The following DNAH11 variants were observed in gnomAD, a reference collection of about 807,000 sequenced individuals.
DNAH11 encodes the protein dynein axonemal heavy chain 11, also known as axonemal beta dynein heavy chain 11.
A neutral mutation model predicts 526.0 loss-of-function variants in DNAH11; 442 were observed. The ratio of observed to expected loss-of-function variants is 0.84; its 90% confidence interval spans 0.78 to 0.91. DNAH11 has a LOEUF of 0.91. Among genes scored for constraint, DNAH11 ranks in the 40% least tolerant of loss-of-function variants. The pLI is 0.00. For missense variants in DNAH11, 6,989 were observed against 5,448.7 expected, an observed-to-expected ratio of 1.28 and a Z score of -8.90; for synonymous variants, 2,461 against 1,935.9, an observed-to-expected ratio of 1.27 and a Z score of -7.12.
chr7:21,591,900 C>T (rs1004136472), intron 14 of DNAH11, among the ~76,000 whole-genome samples: 6 of 152,144 alleles, frequency 3.9e-5, no homozygotes, highest in South Asian at 2.1e-4. Flanking sequence ...TTGACTGCCT[C>T]GTATGTGCCA....
Position 21,571,959 on chromosome 7 carries a change from G to C in DNAH11, c.1579G>C (p.Asp527His), listed in dbSNP as rs1783909176. The C allele has an allele frequency of 6.4e-7, 1 of 1,570,766 alleles. No individual in the cohort carries two copies. The highest frequency in any genetic ancestry group is 8.6e-7 in the Non-Finnish European group (1 of 1,162,370). The change falls in exon 8 of 82, where the codon GAT (aspartate) becomes CAT (histidine). Residue 527 changes from aspartate (D) to histidine (H), a missense_variant. Coordinates refer to ENST00000409508, the MANE Select transcript of DNAH11 (RefSeq NM_001277115.2). ...LFKQSTYDPS[D>H]CTNMEFESDY... ...TAAACAGAGCACTTATGACCCATCT[G>C]ATTGCACTAACATGGTAATGTTGTA...
intron 36 of DNAH11, among the ~76,000 whole-genome samples, chr7:21,699,228 T>C (rs1783966447): frequency 6.6e-6 from 1 of 152,172 alleles, no homozygotes; most frequent in Non-Finnish European, 1.5e-5. Context: ...TAGGGTTGAC[T>C]GGTTTTTTGT....
At chr7:21,643,721 C>A (rs1395555627) in intron 28 of DNAH11, among the ~76,000 whole-genome samples, 1 of 152,158 alleles carries the variant, frequency 6.6e-6, no homozygotes, top group Non-Finnish European at 1.5e-5. Flanking sequence ...AACGCAAATA[C>A]AGATGTAGCA....
chr7:21,663,224 G>A (rs542268331), intron 30 of DNAH11, among the ~76,000 whole-genome samples: 37 of 152,054 alleles, frequency 2.4e-4, no homozygotes, highest in African/African-American at 8.0e-4. Context: ...CCATTCATCC[G>A]TCAGTGGCCA....
chr7:21,818,783 A>G (rs1435606195), intron 65 of DNAH11, among the ~76,000 whole-genome samples: 11 of 152,060 alleles, frequency 7.2e-5, no homozygotes, highest in Admixed American at 7.2e-4. Context: ...GTTTTTTCTA[A>G]TATACTTAAA....
At chr7:21,829,806 T>G (rs1790467292) in intron 65 of DNAH11, among the ~76,000 whole-genome samples, 2 of 152,232 alleles carry the variant, frequency 1.3e-5, no homozygotes, top group South Asian at 4.1e-4. Context: ...CTCGTCTTGG[T>G]TATATTAAGA....
At chr7:21,672,024 T>C in intron 30 of DNAH11, among the ~76,000 whole-genome samples, 1 of 152,182 alleles carries the variant, frequency 6.6e-6, no homozygotes, top group East Asian at 1.9e-4. Flanking sequence ...GTTCTGATAG[T>C]TTTAAGAGCA....
At chr7:21,706,374 T>A (rs1784262293) in intron 39 of DNAH11, among the ~76,000 whole-genome samples, 3 of 152,114 alleles carry the variant, frequency 2.0e-5, no homozygotes, top group African/African-American at 2.4e-5. Flanking sequence ...ATAATCAGAT[T>A]GAGCATATGA....
intron 41 of DNAH11, among the ~76,000 whole-genome samples, chr7:21,711,090 G>A (rs1784449821): frequency 6.6e-6 from 1 of 152,120 alleles, no homozygotes; most frequent in South Asian, 2.1e-4. Context: ...TAGTTCCTTT[G>A]GCTATGGATT....
intron 65 of DNAH11, among the ~76,000 whole-genome samples, chr7:21,833,649 C>T (rs182689102): frequency 8.5e-5 from 13 of 152,106 alleles, no homozygotes; most frequent in Admixed American, 4.6e-4. Flanking sequence ...GAGCCAAGAT[C>T]GTGCCACTGC....
At chr7:21,754,606 C>G (rs921455468) in intron 54 of DNAH11, among the ~76,000 whole-genome samples, 1 of 151,578 alleles carries the variant, frequency 6.6e-6, no homozygotes, top group South Asian at 2.1e-4. Context: ...ATTGAATGAC[C>G]TGTCTCTTCC....
Position 21,854,432 on chromosome 7 carries a change from C to T in DNAH11, c.11179C>T (p.Pro3727Ser), listed in dbSNP as rs748733879. The change falls in exon 68 of 82, where the codon CCC becomes TCC. Residue 3727 changes from proline to serine, a missense_variant. By Grantham distance (74) the Pro-to-Ser change is moderately conservative (BLOSUM62 -1). Transcript: ENST00000409508. ...TATTAATGACCTCCAAAAAATCAAC[C>T]CCCTCTACCAATTCTCTTTGAAGGT... is the stretch of plus-strand genomic sequence containing the variant. ...FVINDLQKIN[P>S]LYQFSLKAFN... 9.3e-6 allele frequency: 15 copies of T among 1,613,686 alleles called. No individual in the cohort carries two copies. The highest frequency in any genetic ancestry group is 1.2e-5 in the Non-Finnish European group (14 of 1,179,800).
rs1042644843 is a variant in DNAH11, at chr7:21,543,229, C to T, written c.-17C>T. 7 of 1,516,066 alleles carry T rather than the reference C, an allele frequency of 4.6e-6. No individual in the cohort carries two copies. The highest frequency in any genetic ancestry group is 2.5e-5 in the South Asian group (2 of 80,942). 93.9% of individuals were successfully genotyped at this position (1,516,066 alleles called of 1,614,324 possible). ...TGAGGAGCCAGCCGGCCTCGCGTTC[C>T]CTCGGACGGTTGCCCAATGGCAGCC... On this transcript the variant is annotated 5_prime_UTR_variant, in exon 1 of 82. Transcript: ENST00000409508.
rs771057807 is a variant in DNAH11, at chr7:21,807,969, G to T, written c.10252G>T (p.Val3418Leu). 7.5e-6 allele frequency: 12 copies of T among 1,607,848 alleles called. No homozygotes were observed. Among genetic ancestry groups the T allele is most frequent in the Non-Finnish European group, 1.0e-5 (12 of 1,176,310 alleles). ...AGATGTTCTTCTCACGGCGGCATTT[G>T]TGTCTTACGTCGGACCCTTCACAAG... Reference protein sequence around the residue: ...CGDVLLTAAFVSYVGPFTRQY... With the variant: ...CGDVLLTAAFLSYVGPFTRQY... The change falls in exon 63 of 82, where the codon GTG becomes TTG. Residue 3418 changes from valine (V) to leucine (L), a missense_variant. Coordinates refer to ENST00000409508, the MANE Select transcript of DNAH11 (RefSeq NM_001277115.2).
chr7:21,789,808 T>TCTTTCTTTCTTCTTTCTTTCTTTC lies in DNAH11; in HGVS notation c.10026+466_10026+467insCTTTCTTTCTTCTTTCTTTCTTTC. ...TTCTTTCTTTCTTTCTTTCTTTCTT[T>TCTTTCTTTCTTCTTTCTTTCTTTC]TTTCTTTCTTTCTTTCTTTCTTTCT... On this transcript the variant is annotated intron_variant, in intron 61 of 81. Transcript: ENST00000409508. Among the ~76,000 whole-genome samples, 10 of 34,128 alleles carry TCTTTCTTTCTTCTTTCTTTCTTTC rather than the reference T, an allele frequency of 2.9e-4. No individual in the cohort carries two copies. The East Asian group carries it at 3.1e-3, about 11-fold the overall frequency. The allele number at this position is 34,128 out of a possible 152,430, so 22.4% of individuals were successfully genotyped here. A position where few individuals can be genotyped will look rare whatever the true frequency, so the allele number is the denominator to read the frequency against.
At chr7:21,721,000 C>A (rs1189380914) in intron 44 of DNAH11, 144 bp downstream of exon 44, 1 of 1,068,992 alleles carries the variant, frequency 9.4e-7, no homozygotes, top group Non-Finnish European at 1.3e-6. Context: ...TCTATGCATT[C>A]TCTGGGTAGT....
intron 25 of DNAH11, among the ~76,000 whole-genome samples, chr7:21,622,900 AGGCATG>A (rs1369705210): frequency 6.6e-6 from 1 of 152,150 alleles, no homozygotes; most frequent in Non-Finnish European, 1.5e-5. Flanking sequence ...TTCAGGACAT[AGGCATG>A]GGCAAGGACT....
In DNAH11 at chr7:21,900,056, A is replaced by G; in HGVS notation, c.13239A>G (p.Lys4413=). ...GCTTGACTGCTGATGTTACCAAAAA[A>G]ACAAAGGAAGATTATGGACACCCGC... The part of the protein sequence containing the change: ...KTRLTADVTK[K]TKEDYGHPPR... Residue 4413 remains lysine (K), a synonymous_variant, in exon 81 of 82, where the codon AAA becomes AAG. Transcript: ENST00000409508. The G allele has an allele frequency of 5.6e-6, 9 of 1,614,022 alleles. No homozygotes were observed. Among genetic ancestry groups the G allele is most frequent in the Non-Finnish European group, 7.6e-6 (9 of 1,179,878 alleles).
chr7:21,880,928 A>G, intron 75 of DNAH11, 35 bp downstream of exon 75: 2 of 1,540,080 alleles, frequency 1.3e-6, no homozygotes, highest in Non-Finnish European at 1.7e-6. Flanking sequence ...TCTTCCAAGG[A>G]GTTTACAAAG....
Sources: gnomAD v4.1 joint callset for allele counts (sites outside exome capture counted in the v4.1 genomes callset) on GRCh38, gnomAD v4.1.1 for gene constraint, MANE v1.5 for transcripts, NCBI Gene and HGNC (gene_info 2026-07-23, HGNC 2026-07-21) for gene names.